Variants in PPP1R13L observed in about 807,000 individuals in gnomAD.
PPP1R13L encodes relA-associated inhibitor.
PPP1R13L carries 50 observed loss-of-function variants against 80.9 expected under a neutral mutation model. The observed-to-expected ratio is 0.62, with a 90% confidence interval of 0.49 to 0.78. The LOEUF (loss-of-function observed/expected upper bound fraction) is 0.78. PPP1R13L is among the 30% of genes least tolerant of loss of function. The pLI, the probability that PPP1R13L is intolerant of heterozygous loss-of-function variation, is 0.00. For synonymous variants in PPP1R13L, 602 were observed against 534.3 expected (o/e 1.13, Z -1.75); for missense variants, 1,200 against 1,205.9 (o/e 1.00, Z 0.07).
At chr19:45,386,843 C>T (rs980987012) in intron 8 of PPP1R13L, among the ~76,000 whole-genome samples, 25 of 151,664 alleles carry the variant, frequency 1.6e-4, no homozygotes, top group Non-Finnish European at 2.9e-4. Flanking sequence ...GTCATGTTGT[C>T]CAGGCTGGTC....
chr19:45,402,515 G>T (rs551719632), intron 1 of PPP1R13L, among the ~76,000 whole-genome samples: 1 of 152,368 alleles, frequency 6.6e-6, no homozygotes, highest in East Asian at 1.9e-4. Flanking sequence ...GGTCACGCCC[G>T]GACCCCCGCC....
Position 45,396,090 on chromosome 19 carries a change from A to T in PPP1R13L, c.903+78T>A. On this transcript the variant is annotated intron_variant, in intron 6 of 12. Transcript: ENST00000360957. The surrounding 1 kb of genome is among the most constrained non-coding windows in gnomAD (Gnocchi z 5.3). ...GACCCAGATCGCAGCCCCGAGGGGG[A>T]GACTGGCCTTGACCCCGCTCCCCCA... 3 of 1,475,160 alleles carry T rather than the reference A, an allele frequency of 2.0e-6. No homozygotes were observed. Among genetic ancestry groups the T allele is most frequent in the South Asian group, 1.2e-5 (1 of 80,970 alleles). 91.4% of individuals were successfully genotyped at this position (1,475,160 alleles called of 1,614,324 possible). A position where few individuals can be genotyped will look rare whatever the true frequency, so the allele number is the denominator to read the frequency against.
In PPP1R13L at chr19:45,396,892, C is replaced by T; in HGVS notation, c.365G>A (p.Arg122His). 2 of 1,521,588 alleles carry T rather than the reference C, an allele frequency of 1.3e-6. No homozygotes were observed. 94.3% of individuals were successfully genotyped at this position (1,521,588 alleles called of 1,614,324 possible). A position where few individuals can be genotyped will look rare whatever the true frequency, so the allele number is the denominator to read the frequency against. ...GTCCGGCTGCAGGTAGAGCGGGGTG[C>T]GCGGCGACGACGGCCGTCCCTTGGG... is the stretch of plus-strand genomic sequence containing the variant. ...LSPKGRPSSP[R>H]TPLYLQPDAY... The change falls in exon 4 of 13, where the codon CGC (arginine) becomes CAC (histidine). Residue 122 changes from arginine to histidine, a missense_variant. Arg to His is a conservative substitution (Grantham distance 29). Around this residue, in one of 5 missense-constraint regions of PPP1R13L, gnomAD observed 764 missense variants for 714.5 expected, o/e 1.07. Transcript: ENST00000360957. This position sits in a 1 kb window ranked among gnomAD's most constrained non-coding sequence, Gnocchi z 5.3.
At chr19:45,397,110 A>G in intron 3 of PPP1R13L, 52 bp from the exon 4 acceptor site, 1 of 1,245,672 alleles carries the variant, frequency 8.0e-7, no homozygotes. Flanking sequence ...CATTAGTGGA[A>G]GGGTTGGTGT....
chr19:45,379,735 T>C lies in PPP1R13L; in HGVS notation c.*455A>G, dbSNP rs1229281862. 6.3e-6 allele frequency: 1 copy of C among 159,842 alleles called. No homozygotes were observed. The highest frequency in any genetic ancestry group is 2.4e-5 in the African/African-American group (1 of 41,610). The allele number at this position is 159,842 out of a possible 1,614,324, so 9.9% of individuals were successfully genotyped here. A position where few individuals can be genotyped will look rare whatever the true frequency, so the allele number is the denominator to read the frequency against. On this transcript the variant is annotated 3_prime_UTR_variant, in exon 13 of 13. Coordinates refer to ENST00000360957, the MANE Select transcript of PPP1R13L (RefSeq NM_006663.4). The stretch of plus-strand genomic sequence containing the variant: ...GTGAAGGCACTTAATTGGGGAGAGG[T>C]GGGGCAGGGATCCTGGTAGAGACCA...
intron 11 of PPP1R13L, among the ~76,000 whole-genome samples, chr19:45,384,130 G>C (rs1202687785): frequency 1.3e-5 from 2 of 151,248 alleles, no homozygotes; most frequent in African/African-American, 2.4e-5. Flanking sequence ...CAGGCTGCGG[G>C]AGTGCAGTGG....
At chr19:45,390,876 G>T (rs34768259) in intron 8 of PPP1R13L, among the ~76,000 whole-genome samples, 2 of 152,000 alleles carry the variant, frequency 1.3e-5, no homozygotes, top group African/African-American at 4.8e-5. Flanking sequence ...GAGCCACCGC[G>T]CCCGGCCGAG....
intron 8 of PPP1R13L, among the ~76,000 whole-genome samples, chr19:45,391,459 T>G (rs1287523445): frequency 1.3e-5 from 2 of 152,146 alleles, no homozygotes; most frequent in African/African-American, 4.8e-5. Context: ...CAGATGGCCC[T>G]CCATATAGTC....
upstream of PPP1R13L, chr19:45,406,115 C>T (rs1188082094): frequency 5.2e-5 from 10 of 193,272 alleles, no homozygotes; most frequent in East Asian, 1.9e-3. The surrounding 1 kb of genome is among the most constrained non-coding windows in gnomAD (Gnocchi z 4.2). Flanking sequence ...ATGTTTCCCG[C>T]TCCCCCGGAG....
intron 8 of PPP1R13L, among the ~76,000 whole-genome samples, chr19:45,390,909 A>G (rs1408718242): frequency 1.3e-5 from 2 of 152,102 alleles, no homozygotes; most frequent in Non-Finnish European, 2.9e-5. Context: ...ATAAGAGGAG[A>G]GAGCAAAGCC....
At chr19:45,384,350 G>A (rs1274248295) in intron 11 of PPP1R13L, among the ~76,000 whole-genome samples, 8 of 114,546 alleles carry the variant, frequency 7.0e-5, no homozygotes, top group South Asian at 2.8e-4. Flanking sequence ...GCAAAACCCC[G>A]TCTCTACTAA....
rs1246744070 is a variant in PPP1R13L at position 45,392,334 on chromosome 19, G to A, written c.1361C>T (p.Pro454Leu). ...QTWPPVNEGP[P>L]KPPTELEPEP... The stretch of plus-strand genomic sequence containing the variant: ...AGGCTCCAGCTCGGTGGGGGGTTTG[G>A]GGGGTCCTAGCCGGAACAAGAGCCC... Residue 454 changes from proline to leucine, a missense_variant, in exon 8 of 13, where the codon CCC becomes CTC. Physicochemically the swap from Pro to Leu is moderately conservative, Grantham distance 98. Around this residue, in one of 5 missense-constraint regions of PPP1R13L, gnomAD observed 764 missense variants for 714.5 expected, o/e 1.07. Transcript: ENST00000360957. 1.2e-6 allele frequency: 2 copies of A among 1,613,232 alleles called. No homozygotes were observed. Among genetic ancestry groups the A allele is most frequent in the East Asian group, 2.2e-5 (1 of 44,872 alleles).
At chr19:45,403,023 T>C (rs768993069) in intron 1 of PPP1R13L, among the ~76,000 whole-genome samples, 37 of 152,224 alleles carry the variant, frequency 2.4e-4, no homozygotes, top group Non-Finnish European at 4.3e-4. Flanking sequence ...TGGACGTCTA[T>C]GGAATGGGCT....
intron 11 of PPP1R13L, 52 bp downstream of exon 11, chr19:45,385,510 C>T (rs1469350381): frequency 1.3e-6 from 2 of 1,536,264 alleles, no homozygotes; most frequent in Non-Finnish European, 1.8e-6. Flanking sequence ...GCTCCCCTCC[C>T]CGCTCCTGCG....
chr19:45,395,773 C>A lies in PPP1R13L; in HGVS notation c.1017G>T (p.Ser339=), dbSNP rs1181860778. The change falls in exon 7 of 13, where the codon TCG becomes TCT. Residue 339 remains serine (S), a synonymous_variant. Coordinates refer to ENST00000360957, the MANE Select transcript of PPP1R13L (RefSeq NM_006663.4). ...GCTGCCAGCTGCGAGGCAAAGTGCC[C>A]GACGGCCCCGCGGAGCCCAGCGAGC... ...YRRSLGSAGP[S]GTLPRSWQPV... 3 of 1,556,606 alleles carry A rather than the reference C, an allele frequency of 1.9e-6. No homozygotes were observed. Among genetic ancestry groups the A allele is most frequent in the Non-Finnish European group, 2.6e-6 (3 of 1,155,788 alleles).
rs1459771875 is a variant in PPP1R13L, at chr19:45,383,355, A to G, written c.2249-629T>C. Among the ~76,000 whole-genome samples the G allele has an allele frequency of 2.8e-5, 3 of 108,718 alleles. No individual in the cohort carries two copies. The East Asian group carries it at 8.9e-4, about 32-fold the overall frequency. The allele number at this position is 108,718 out of a possible 152,430, so 71.3% of individuals were successfully genotyped here. On this transcript the variant is annotated intron_variant, in intron 11 of 12. Coordinates refer to ENST00000360957, the MANE Select transcript of PPP1R13L (RefSeq NM_006663.4). ...GCTCTTGTCGCCCAGGCAGGAGTGC[A>G]ATGGTGCGGTCTCACTGCAACCTCC... is the stretch of plus-strand genomic sequence containing the variant.
In PPP1R13L at chr19:45,397,021, A is replaced by C. The variant is rs201321657; in HGVS notation, c.236T>G (p.Phe79Cys). The change falls in exon 4 of 13, where the codon TTC (phenylalanine) becomes TGC (cysteine). Residue 79 changes from phenylalanine (F) to cysteine (C), a missense_variant. Physicochemically the swap from Phe to Cys is radical, Grantham distance 205. This residue lies in a region of PPP1R13L where 764 missense variants were observed against 714.5 expected (regional missense o/e 1.07). Transcript: ENST00000360957. ...CTTCCGGGGGGACCCTCGGCTGCCG[A>C]AGGGCTCAGGGATCGAGCTGGAGCT... ...RYSSSSIPEP[F>C]GSRGSPRKAA... 4,558 of 1,368,364 alleles carry C rather than the reference A, an allele frequency of 3.3e-3. 8 individuals are homozygous for C. The highest frequency in any genetic ancestry group is 4.1e-3 in the Non-Finnish European group (4,355 of 1,063,064). The allele number at this position is 1,368,364 out of a possible 1,614,324, so 84.8% of individuals were successfully genotyped here.
chr19:45,392,323 T>A lies in PPP1R13L; in HGVS notation c.1372A>T (p.Thr458Ser). 1 of 1,613,004 alleles carries A rather than the reference T, an allele frequency of 6.2e-7. No individual in the cohort carries two copies. The highest frequency in any genetic ancestry group is 8.5e-7 in the Non-Finnish European group (1 of 1,179,928). The change falls in exon 8 of 13, where the codon ACC becomes TCC. Residue 458 changes from threonine (T) to serine (S), a missense_variant. Around this residue, in one of 5 missense-constraint regions of PPP1R13L, gnomAD observed 764 missense variants for 714.5 expected, o/e 1.07. Coordinates refer to ENST00000360957, the MANE Select transcript of PPP1R13L (RefSeq NM_006663.4). ...PVNEGPPKPP[T>S]ELEPEPEIEG... ...ATCTCCGGCTCAGGCTCCAGCTCGG[T>A]GGGGGGTTTGGGGGGTCCTAGCCGG...
chr19:45,386,129 C>G lies in PPP1R13L; in HGVS notation c.1867G>C (p.Ala623Pro). 1 of 1,545,448 alleles carries G rather than the reference C, an allele frequency of 6.5e-7. No homozygotes were observed. The highest frequency in any genetic ancestry group is 8.6e-7 in the Non-Finnish European group (1 of 1,157,954). Residue 623 changes from alanine to proline, a missense_variant, in exon 9 of 13, where the codon GCG becomes CCG. This residue lies in a region of PPP1R13L where 214 missense variants were observed against 199.6 expected (regional missense o/e 1.07). Coordinates refer to ENST00000360957, the MANE Select transcript of PPP1R13L (RefSeq NM_006663.4). ...AGGAGCACCAGAGGGTTGAGGCGCG[C>G]GCGGCGGGCCTTGCGCGGGGAGCCC... Reference protein sequence around the residue: ...KAGSPRKARRARLNPLVLLLD... With the variant: ...KAGSPRKARRPRLNPLVLLLD...
Sources: gnomAD v4.1 joint callset for allele counts (sites outside exome capture counted in the v4.1 genomes callset) on GRCh38, gnomAD v4.1.1 for gene constraint, gnomAD v4.1.1 regional missense constraint, Gnocchi (gnomAD v3.1) non-coding constraint, MANE v1.5 for transcripts, NCBI Gene and HGNC (gene_info 2026-07-23, HGNC 2026-07-21) for gene names.